Variants in COLGALT1 observed in about 807,000 individuals in gnomAD.
COLGALT1 encodes the protein collagen beta(1-O)galactosyltransferase 1.
A neutral mutation model predicts 60.8 loss-of-function variants in COLGALT1; 43 were observed. The observed-to-expected ratio is 0.71, with a 90% CI of 0.55 to 0.91. COLGALT1 has a LOEUF of 0.91. Ranked by LOEUF, COLGALT1 falls within the 40% of genes least tolerant of loss-of-function variation. The pLI is 0.00. For missense variants in COLGALT1, 845 were observed against 880.0 expected (o/e 0.96, Z 0.50); for synonymous variants, 369 against 374.2 (o/e 0.99, Z 0.16).
At chr19:17,570,111 T>C (rs1186267922) in intron 5 of COLGALT1, among the ~76,000 whole-genome samples, 1 of 152,060 alleles carries the variant, frequency 6.6e-6, no homozygotes, top group Non-Finnish European at 1.5e-5. Context: ...GCCAGGATGG[T>C]CTTGATCTCT....
At chr19:17,568,419 G>A (rs1234472523) in intron 4 of COLGALT1, 90 bp from the exon 5 acceptor site, 10 of 1,155,700 alleles carry the variant, frequency 8.7e-6, no homozygotes, top group East Asian at 4.7e-5. Context: ...CTGGCTGTCT[G>A]TCTGGTCCTG....
At chr19:17,567,294 G>T in intron 3 of COLGALT1, 112 bp from the exon 4 acceptor site, 2 of 1,409,554 alleles carry the variant, frequency 1.4e-6, no homozygotes, top group South Asian at 1.3e-5. Flanking sequence ...GGTGTAGGGG[G>T]TGCTTCCAGA....
intron 1 of COLGALT1, chr19:17,556,725 A>G (rs1325308298): frequency 2.5e-5 from 4 of 158,638 alleles, no homozygotes; most frequent in Non-Finnish European, 5.4e-5. Flanking sequence ...AGCCTTGCCA[A>G]CATGGCAAAA....
chr19:17,579,925 C>T (rs2076368987), intron 10 of COLGALT1: 2 of 346,700 alleles, frequency 5.8e-6, no homozygotes, highest in Non-Finnish European at 1.1e-5. Context: ...CACGTGGTTC[C>T]TGGGCCTGAA....
At position 17,581,931 on chromosome 19, in the gene COLGALT1, G is replaced by A. The variant is rs923857853; in HGVS notation, c.*487G>A. 5 of 134,430 alleles carry A rather than the reference G, an allele frequency of 3.7e-5. No individual in the cohort carries two copies. The highest frequency in any genetic ancestry group is 6.1e-5 in the Non-Finnish European group (4 of 65,266). 8.3% of individuals were successfully genotyped at this position (134,430 alleles called of 1,614,324 possible). On this transcript the variant is annotated 3_prime_UTR_variant, in exon 12 of 12. Coordinates refer to ENST00000252599, the MANE Select transcript of COLGALT1 (RefSeq NM_024656.4). Reference sequence around the variant, plus strand: ...GGGATTTTTTTTTTTTTTTTTTTAAGAGTAGAGTCTGTCTCTGTCACCCAG... The same window carrying A: ...GGGATTTTTTTTTTTTTTTTTTTAAAAGTAGAGTCTGTCTCTGTCACCCAG...
Position 17,567,581 on chromosome 19 carries a change from A to C in COLGALT1, c.624+41A>C, listed in dbSNP as rs768916494. On this transcript the variant is annotated intron_variant, in intron 4 of 11. Transcript: ENST00000252599. The stretch of plus-strand genomic sequence containing the variant: ...GGGGACTGTGGGGACTGGGCTGAGC[A>C]GGGGGGTGCCGTGGCTAGAGTGTAA... 1.9e-6 allele frequency: 3 copies of C among 1,595,318 alleles called. No individual in the cohort carries two copies. In the South Asian group the frequency reaches 3.4e-5, roughly 18 times the overall value.
At chr19:17,564,117 T>G (rs1568474439) in intron 3 of COLGALT1, among the ~76,000 whole-genome samples, 2 of 151,382 alleles carry the variant, frequency 1.3e-5, no homozygotes, top group Non-Finnish European at 2.9e-5. Flanking sequence ...GTGTACTGGT[T>G]TGTGTCTGTA....
chr19:17,567,475 GTGGTCGCCCCCATGC>G lies in COLGALT1; in HGVS notation c.563_577del (p.Val188_Leu192del). ...CCTGCTCATCGCTGAGAACAAGACG[GTGGTCGCCCCCATGC>G]TGGATTCCCGGGCTGCGTACTCCAA... On this transcript the variant is annotated inframe_deletion, in exon 4 of 12. Coordinates refer to ENST00000252599, the MANE Select transcript of COLGALT1 (RefSeq NM_024656.4). 6.2e-7 allele frequency: 1 copy of G among 1,614,136 alleles called. No individual in the cohort carries two copies. The highest frequency in any genetic ancestry group is 8.5e-7 in the Non-Finnish European group (1 of 1,179,998).
chr19:17,575,607 C>G (rs566734485), intron 6 of COLGALT1, among the ~76,000 whole-genome samples: 1 of 152,034 alleles, frequency 6.6e-6, no homozygotes, highest in African/African-American at 2.4e-5. Context: ...TCTCGAACTC[C>G]TGACCTCATG....
rs761705717 is a variant in COLGALT1, at chr19:17,572,574, C to T, written c.921C>T (p.Ser307=). ...GCACCCTCCAGGATGAGGCCGAGAG[C>T]TTCATGCATGTGCAGCTGGAGGTCA... ...AHSTLQDEAE[S]FMHVQLEVMV... is the part of the protein sequence containing the mutation. Residue 307 remains serine (S), a synonymous_variant, in exon 6 of 12, where the codon AGC becomes AGT. Coordinates refer to ENST00000252599, the MANE Select transcript of COLGALT1 (RefSeq NM_024656.4). 1.2e-6 allele frequency: 2 copies of T among 1,614,174 alleles called. No individual in the cohort carries two copies. The highest frequency in any genetic ancestry group is 1.6e-4 in the Middle Eastern group (1 of 6,062).
At chr19:17,575,810 T>C (rs1198807400) in intron 6 of COLGALT1, among the ~76,000 whole-genome samples, 3 of 151,994 alleles carry the variant, frequency 2.0e-5, no homozygotes, top group Non-Finnish European at 4.4e-5. Context: ...GCTACAGATT[T>C]CCCCTTTTAA....
intron 1 of COLGALT1, among the ~76,000 whole-genome samples, chr19:17,557,697 G>A (rs2076221416): frequency 6.6e-6 from 1 of 152,196 alleles, no homozygotes; most frequent in South Asian, 2.1e-4. Flanking sequence ...CCCCTCCTGG[G>A]CTCAAGTGAT....
At chr19:17,579,306 T>C (rs550523477) in intron 9 of COLGALT1, among the ~76,000 whole-genome samples, 176 bp from the exon 10 acceptor site, 1 of 151,432 alleles carries the variant, frequency 6.6e-6, no homozygotes, top group Admixed American at 6.6e-5. Context: ...CTGAGATCCA[T>C]TATGGACGGC....
In COLGALT1 at chr19:17,577,180, G is replaced by A. The variant is rs1367390857; in HGVS notation, c.950-15G>A. 6.2e-7 allele frequency: 1 copy of A among 1,612,692 alleles called. No individual in the cohort carries two copies. Among genetic ancestry groups the A allele is most frequent in the East Asian group, 2.2e-5 (1 of 44,836 alleles). On this transcript the variant is annotated splice_polypyrimidine_tract_variant and intron_variant, in intron 6 of 11. Coordinates refer to ENST00000252599, the MANE Select transcript of COLGALT1 (RefSeq NM_024656.4). The stretch of plus-strand genomic sequence containing the variant: ...CTCCTTACCCCAGCGACTCCTCAAC[G>A]TCTGTGCCCCACAGTGAAGCACCCG...
At chr19:17,561,498 C>A (rs572883359) in intron 3 of COLGALT1, among the ~76,000 whole-genome samples, 8 of 151,808 alleles carry the variant, frequency 5.3e-5, no homozygotes, top group Non-Finnish European at 1.0e-4. Flanking sequence ...ATTGCTGAGG[C>A]CTGACTTGCA....
intron 3 of COLGALT1, among the ~76,000 whole-genome samples, chr19:17,564,321 ATG>A (rs1224422543): frequency 1.3e-5 from 2 of 150,938 alleles, no homozygotes; most frequent in Admixed American, 6.7e-5. Flanking sequence ...ATACGTGTAT[ATG>A]TATATATATC....
chr19:17,576,895 T>A (rs1173784929), intron 6 of COLGALT1, among the ~76,000 whole-genome samples: 1 of 110,360 alleles, frequency 9.1e-6, no homozygotes, highest in African/African-American at 3.5e-5. Flanking sequence ...AGTCCAGGGT[T>A]GAGTAGCGGG....
Position 17,569,891 on chromosome 19 carries a change from C to CTTTTTTTTTTTT in COLGALT1, c.829+1188_829+1199dup, listed in dbSNP as rs71162156. 2.0e-4 allele frequency among the ~76,000 whole-genome samples: 20 copies of CTTTTTTTTTTTT among 98,728 alleles called. 2 individuals are homozygous for CTTTTTTTTTTTT. Among genetic ancestry groups the CTTTTTTTTTTTT allele is most frequent in the African/African-American group, 2.4e-4 (6 of 25,416 alleles). 64.8% of individuals were successfully genotyped at this position (98,728 alleles called of 152,430 possible). On this transcript the variant is annotated intron_variant, in intron 5 of 11. Coordinates refer to ENST00000252599, the MANE Select transcript of COLGALT1 (RefSeq NM_024656.4). ...CAGGCCAAACCTGGCCCACTAATTACTTTTTTTTTTTTTTTTTTTTTGAGA... is the reference window on the plus strand; with the variant it reads ...CAGGCCAAACCTGGCCCACTAATTACTTTTTTTTTTTTTTTTTTTTTTTTTTTTTTTTTGAGA...
rs1273290697 is a variant in COLGALT1 at position 17,581,779 on chromosome 19, T to C, written c.*335T>C. On this transcript the variant is annotated 3_prime_UTR_variant, in exon 12 of 12. Transcript: ENST00000252599. ...GCATAATTGTTCCCTCCATCAGCGA[T>C]TGATTCAGTCATCAAGCAGTTACTG... 5 of 352,012 alleles carry C rather than the reference T, an allele frequency of 1.4e-5. No homozygotes were observed. The highest frequency in any genetic ancestry group is 2.6e-5 in the Non-Finnish European group (5 of 189,680). 21.8% of individuals were successfully genotyped at this position (352,012 alleles called of 1,614,324 possible). A position where few individuals can be genotyped will look rare whatever the true frequency, so the allele number is the denominator to read the frequency against.
Sources: gnomAD v4.1 joint callset for allele counts (sites outside exome capture counted in the v4.1 genomes callset) on GRCh38, gnomAD v4.1.1 for gene constraint, MANE v1.5 for transcripts, NCBI Gene and HGNC (gene_info 2026-07-23, HGNC 2026-07-21) for gene names.